PKP2: variants seen among roughly 807,000 people sequenced by gnomAD.
PKP2 encodes the protein plakophilin-2.
In PKP2, 73 loss-of-function variants were observed where a neutral mutation model predicts 83.4. The ratio of observed to expected loss-of-function variants is 0.88; its 90% CI spans 0.72 to 1.06. The LOEUF (loss-of-function observed/expected upper bound fraction) is 1.06. PKP2 is among the 50% of genes least tolerant of loss of function. PKP2 has a pLI of 0.00. For missense variants in PKP2, 966 were observed against 1,065.4 expected, an observed-to-expected ratio of 0.91 and a Z score of 1.30; for synonymous variants, 409 against 430.4, an observed-to-expected ratio of 0.95 and a Z score of 0.62.
chr12:32,808,721 T>C (rs1176992685), intron 9 of PKP2, among the ~76,000 whole-genome samples: 1 of 152,146 alleles, frequency 6.6e-6, no homozygotes, highest in Non-Finnish European at 1.5e-5. Context: ...GTCTTTTTTG[T>C]TGATGTTGTT....
intron 5 of PKP2, chr12:32,843,254 T>A: frequency 8.7e-7 from 1 of 1,156,048 alleles, no homozygotes; most frequent in Non-Finnish European, 1.2e-6. Flanking sequence ...GTGCTGGGAT[T>A]ACAGGCGTGA....
chr12:32,889,513 G>A (rs1218023325), intron 1 of PKP2, among the ~76,000 whole-genome samples: 1 of 152,162 alleles, frequency 6.6e-6, no homozygotes, highest in African/African-American at 2.4e-5. Flanking sequence ...TCTTGTATCA[G>A]TACTTGACAA....
intron 1 of PKP2, among the ~76,000 whole-genome samples, chr12:32,888,172 CATGAATGA>C (rs751633733): frequency 6.6e-6 from 1 of 152,138 alleles, no homozygotes; most frequent in African/African-American, 2.4e-5. Context: ...GACGCTGTCT[CATGAATGA>C]ATGAATGAAT....
intron 6 of PKP2, among the ~76,000 whole-genome samples, 174 bp downstream of exon 6, chr12:32,840,854 G>A (rs1268599574): frequency 6.6e-6 from 1 of 151,880 alleles, no homozygotes. Context: ...CTCCAGCCTG[G>A]GCAACAGAGC....
At chr12:32,836,303 TAA>T (rs1956544900) in intron 6 of PKP2, among the ~76,000 whole-genome samples, 1 of 152,212 alleles carries the variant, frequency 6.6e-6, no homozygotes, top group African/African-American at 2.4e-5. Flanking sequence ...ATGCTCATCC[TAA>T]AGACAAATGA....
chr12:32,819,061 T>A (rs1360683902), intron 9 of PKP2, among the ~76,000 whole-genome samples: 3 of 152,094 alleles, frequency 2.0e-5, no homozygotes, highest in East Asian at 3.9e-4. Context: ...GTGGATCACC[T>A]GAGGTGAGGA....
intron 9 of PKP2, 127 bp from the exon 10 acceptor site, chr12:32,802,683 AAG>A (rs1956193715): frequency 1.3e-5 from 11 of 854,658 alleles, no homozygotes; most frequent in Non-Finnish European, 2.0e-5. Flanking sequence ...TTTTGAGACA[AAG>A]TCTCTCTCTG....
At position 32,841,195 on chromosome 12, in the gene PKP2, C is replaced by T. The variant is rs1204333387; in HGVS notation, c.1389G>A (p.Trp463Ter). The change falls in exon 6 of 13, where the codon TGG becomes TGA. Residue 463 changes from tryptophan to a stop codon, truncating the protein, a stop_gained. Transcript: ENST00000340811. LOFTEE classifies it high-confidence loss of function. ...TGAGTTTGTCATTAGATGACAAATTCCACAGCAAACCTAGAAAAGCACAGA... is the reference window on the plus strand; with the variant it reads ...TGAGTTTGTCATTAGATGACAAATTTCACAGCAAACCTAGAAAAGCACAGA... ...ETKKQITGLL[W>*]NLSSNDKLKN... is the part of the protein sequence containing the mutation. 1.2e-6 allele frequency: 2 copies of T among 1,613,006 alleles called. No individual in the cohort carries two copies. The highest frequency in any genetic ancestry group is 1.7e-5 in the Admixed American group (1 of 60,016).
intron 9 of PKP2, among the ~76,000 whole-genome samples, chr12:32,813,442 A>G (rs1042295952): frequency 1.3e-5 from 2 of 152,316 alleles, no homozygotes; most frequent in Admixed American, 6.5e-5. Flanking sequence ...GTCATGTCTT[A>G]TTGTTTTTAT....
At chr12:32,844,311 GTAAC>G (rs1423604104) in intron 5 of PKP2, among the ~76,000 whole-genome samples, 8 of 152,078 alleles carry the variant, frequency 5.3e-5, no homozygotes, top group Non-Finnish European at 1.0e-4. Context: ...AAATCAGTGA[GTAAC>G]CAACTACAAA....
chr12:32,796,356 A>C, intron 10 of PKP2, 58 bp from the exon 11 acceptor site: 1 of 1,387,752 alleles, frequency 7.2e-7, no homozygotes, highest in Non-Finnish European at 1.0e-6. Context: ...CTTAATCCCA[A>C]GATCCCAATA....
chr12:32,808,283 G>C (rs534159206), intron 9 of PKP2, among the ~76,000 whole-genome samples: 2 of 152,104 alleles, frequency 1.3e-5, no homozygotes, highest in South Asian at 4.1e-4. Context: ...TAGTCTTCAA[G>C]GTCTGAGATC....
At chr12:32,875,874 T>C (rs1376292582) in intron 3 of PKP2, among the ~76,000 whole-genome samples, 1 of 152,180 alleles carries the variant, frequency 6.6e-6, no homozygotes, top group Admixed American at 6.6e-5. Flanking sequence ...AGGAGGTTGT[T>C]ACATTTTCAT....
intron 6 of PKP2, among the ~76,000 whole-genome samples, chr12:32,828,440 A>G (rs1956463495): frequency 6.6e-6 from 1 of 152,214 alleles, no homozygotes; most frequent in Admixed American, 6.5e-5. Flanking sequence ...ATGGACAGTG[A>G]CAAATGGAAA....
At chr12:32,867,094 G>T (rs1042486111) in intron 4 of PKP2, among the ~76,000 whole-genome samples, 1 of 152,184 alleles carries the variant, frequency 6.6e-6, no homozygotes, top group Non-Finnish European at 1.5e-5. Context: ...TTGAGAGGCC[G>T]AGGAAGGAGG....
chr12:32,872,539 A>AAAAAC (rs1450572398), intron 3 of PKP2, among the ~76,000 whole-genome samples: 3 of 152,160 alleles, frequency 2.0e-5, no homozygotes, highest in East Asian at 1.9e-4. Flanking sequence ...TGTCTCAAAA[A>AAAAAC]AAAACAAAAC....
rs775103879 is a variant in PKP2 at position 32,822,481 on chromosome 12, T to G, written c.1825A>C (p.Arg609=). Residue 609 remains arginine, a synonymous_variant, in exon 8 of 13, where the codon AGG becomes CGG. Transcript: ENST00000340811. ...KSIGCFGSRS[R]KVKEQYQDVP... is the part of the protein sequence containing the mutation. Reference sequence around the variant, plus strand: ...TCCCAATATACCTCTTTTACTTTCCTGCTTCGACTGCCAAAACATCCAATA... The same window carrying G: ...TCCCAATATACCTCTTTTACTTTCCGGCTTCGACTGCCAAAACATCCAATA... 6.2e-7 allele frequency: 1 copy of G among 1,614,078 alleles called. No homozygotes were observed. The highest frequency in any genetic ancestry group is 1.1e-5 in the South Asian group (1 of 91,092).
intron 9 of PKP2, among the ~76,000 whole-genome samples, chr12:32,812,259 G>A (rs1956284195): frequency 1.3e-5 from 2 of 151,828 alleles, no homozygotes; most frequent in African/African-American, 2.4e-5. Context: ...TTTGGATTTC[G>A]GAGCATTTCA....
chr12:32,877,454 G>A (rs1592762803), intron 3 of PKP2, among the ~76,000 whole-genome samples: 2 of 152,240 alleles, frequency 1.3e-5, no homozygotes, highest in South Asian at 2.1e-4. Flanking sequence ...AATGGCATTC[G>A]TGCTAAGAAT....
Sources: gnomAD v4.1 joint callset for allele counts (sites outside exome capture counted in the v4.1 genomes callset) on GRCh38, gnomAD v4.1.1 for gene constraint, MANE v1.5 for transcripts, NCBI Gene and HGNC (gene_info 2026-07-23, HGNC 2026-07-21) for gene names.